The following CCDC32 variants were observed in gnomAD, a reference collection of about 807,000 sequenced individuals.
CCDC32 encodes coiled-coil domain-containing protein 32.
CCDC32 carries 9 observed loss-of-function variants against 20.1 expected under a neutral mutation model. The observed-to-expected ratio is 0.45, with a 90% CI of 0.27 to 0.78. The LOEUF (loss-of-function observed/expected upper bound fraction) is 0.78, where lower values mean the gene tolerates loss of function less well. Ranked by LOEUF, CCDC32 falls within the 30% of genes least tolerant of loss-of-function variation. The pLI is 0.16. For missense variants in CCDC32, 204 were observed against 215.5 expected (o/e 0.95, Z 0.33); for synonymous variants, 63 against 79.0 (o/e 0.80, Z 1.07).
At chr15:40,530,411 G>A (rs138915938), downstream of CCDC32, among the ~76,000 whole-genome samples, 13 of 151,108 alleles carry the variant, frequency 8.6e-5, no homozygotes, top group African/African-American at 3.1e-4. Context: ...TAGTGAGTGA[G>A]CTCTCACTCT....
At chr15:40,544,911 T>C (rs1889550584) in intron 3 of CCDC32, among the ~76,000 whole-genome samples, 1 of 152,218 alleles carries the variant, frequency 6.6e-6, no homozygotes, top group African/African-American at 2.4e-5. Flanking sequence ...GTCCCATCAC[T>C]CTAGTCTATA....
At chr15:40,523,675 TA>T in the CCDC32 span, among the ~76,000 whole-genome samples, 1 of 152,076 alleles carries the variant, frequency 6.6e-6, no homozygotes, top group African/African-American at 2.4e-5. Context: ...AAATAGGATA[TA>T]AAAAGGGTCA....
chr15:40,555,873 TC>T (rs11287205), intron 3 of CCDC32, among the ~76,000 whole-genome samples: 44,293 of 151,996 alleles, frequency 0.29, 6,835 homozygotes, highest in Middle Eastern at 0.39. Context: ...AATTTTTTAC[TC>T]CCCCCCATTG....
exon 4 of CCDC32, chr15:40,528,738 C>T (rs1229068147): frequency 1.4e-6 from 1 of 701,116 alleles, no homozygotes; most frequent in East Asian, 2.7e-5. Context: ...CTTCTTCCGT[C>T]CTCCTAGCTG....
At chr15:40,556,995 T>TAA (rs10647114) in intron 3 of CCDC32, 444,487 of 487,810 alleles carry the variant, frequency 0.91, 203,222 homozygotes, top group Non-Finnish European at 0.93. Flanking sequence ...TTCAAGAACA[T>TAA]GAGAGACTGA....
In CCDC32 at chr15:40,553,511, C is replaced by T. The variant is rs1048631504; in HGVS notation, c.*460G>A. On this transcript the variant is annotated 3_prime_UTR_variant, in exon 4 of 4. Transcript: ENST00000416810. Reference sequence around the variant, plus strand: ...ACTTCACTCTTACTGGCCCCACTCACGTGACAATTCACCAAGGGAATGCTT... The same window carrying T: ...ACTTCACTCTTACTGGCCCCACTCATGTGACAATTCACCAAGGGAATGCTT... 229 of 987,606 alleles carry T rather than the reference C, an allele frequency of 2.3e-4. No individual in the cohort carries two copies. The highest frequency in any genetic ancestry group is 2.7e-4 in the Non-Finnish European group (226 of 831,344). 61.2% of individuals were successfully genotyped at this position (987,606 alleles called of 1,614,324 possible).
At chr15:40,543,730 G>A (rs1167960416) in intron 3 of CCDC32, among the ~76,000 whole-genome samples, 1 of 152,146 alleles carries the variant, frequency 6.6e-6, no homozygotes, top group Non-Finnish European at 1.5e-5. Context: ...TGGGATTACA[G>A]GTATGAGCCA....
intron 3 of CCDC32, among the ~76,000 whole-genome samples, chr15:40,554,616 G>A (rs901108287): frequency 4.0e-5 from 6 of 151,286 alleles, no homozygotes; most frequent in African/African-American, 1.2e-4. Flanking sequence ...TTTTTTTTGT[G>A]TGGGGTTTTT....
intron 3 of CCDC32, among the ~76,000 whole-genome samples, chr15:40,544,611 C>G (rs1889537584): frequency 6.6e-6 from 1 of 152,190 alleles, no homozygotes; most frequent in Admixed American, 6.5e-5. Context: ...CTGTGCTATA[C>G]CAACACACAG....
chr15:40,529,210 C>T (rs1888807029), intron 3 of CCDC32, among the ~76,000 whole-genome samples: 1 of 152,252 alleles, frequency 6.6e-6, no homozygotes, highest in African/African-American at 2.4e-5. Flanking sequence ...CACATGGCAG[C>T]ATCACTGGAG....
the CCDC32 span, among the ~76,000 whole-genome samples, chr15:40,523,487 A>C: frequency 6.7e-6 from 1 of 149,290 alleles, no homozygotes; most frequent in Non-Finnish European, 1.5e-5. Flanking sequence ...CTGGGCAACA[A>C]GAGCGAAACT....
chr15:40,548,021 AG>A (rs748715703), intron 3 of CCDC32, among the ~76,000 whole-genome samples: 38 of 152,238 alleles, frequency 2.5e-4, no homozygotes, highest in Non-Finnish European at 2.6e-4. Flanking sequence ...CTTGTAAGAC[AG>A]CCACATCTTT....
At chr15:40,539,725 G>C (rs1385134704) in intron 3 of CCDC32, among the ~76,000 whole-genome samples, 1 of 152,082 alleles carries the variant, frequency 6.6e-6, no homozygotes, top group Non-Finnish European at 1.5e-5. Flanking sequence ...CCTGCTCTCT[G>C]AGATGTCAGG....
chr15:40,535,285 G>C (rs976874991), downstream of CCDC32: 1 of 1,321,438 alleles, frequency 7.6e-7, no homozygotes, highest in African/African-American at 1.5e-5. Context: ...AGCCCAAACT[G>C]TATGAGCACC....
At chr15:40,532,714 C>CTTT (rs1189285245), downstream of CCDC32, among the ~76,000 whole-genome samples, 171 of 91,472 alleles carry the variant, frequency 1.9e-3, 1 homozygote, top group Middle Eastern at 0.01. Context: ...TGTTTTCTTT[C>CTTT]TTTTTTTTTT....
downstream of CCDC32, chr15:40,538,127 A>G (rs1031379045): frequency 1.3e-5 from 2 of 152,118 alleles, no homozygotes; most frequent in Admixed American, 6.5e-5. Flanking sequence ...CTCCAAGGGG[A>G]TTTGGGGACT....
intron 2 of CCDC32, among the ~76,000 whole-genome samples, chr15:40,560,234 T>A (rs1457530125): frequency 6.6e-6 from 1 of 152,204 alleles, no homozygotes; most frequent in Non-Finnish European, 1.5e-5. Flanking sequence ...GGTCTCGATC[T>A]CTTGACCTTG....
intron 2 of CCDC32, among the ~76,000 whole-genome samples, chr15:40,559,905 T>C (rs1890504368): frequency 6.6e-6 from 1 of 152,176 alleles, no homozygotes; most frequent in South Asian, 2.1e-4. Context: ...TAAAACTAGA[T>C]CCCTATCTCT....
intron 3 of CCDC32, among the ~76,000 whole-genome samples, chr15:40,529,348 A>G (rs953305318): frequency 6.6e-6 from 1 of 152,184 alleles, no homozygotes; most frequent in Non-Finnish European, 1.5e-5. Flanking sequence ...CAGTCTTTTT[A>G]TTTGTGAAAA....
Sources: allele counts gnomAD v4.1 joint callset (sites outside exome capture counted in the v4.1 genomes callset), GRCh38; gene constraint gnomAD v4.1.1; transcripts MANE v1.5; gene names NCBI Gene and HGNC (gene_info 2026-07-23, HGNC 2026-07-21).